Variants in KIF26B observed in about 807,000 individuals in gnomAD.
KIF26B encodes the protein kinesin family member 26B.
In KIF26B, 63 loss-of-function variants were observed where a neutral mutation model predicts 151.2. The observed-to-expected ratio is 0.42, with a 90% CI of 0.34 to 0.51. KIF26B has a LOEUF of 0.51. Ranked by LOEUF, KIF26B falls within the 20% of genes least tolerant of loss-of-function variation. KIF26B has a pLI of 0.07. For synonymous variants in KIF26B, 1,357 were observed against 1,262.1 expected, an observed-to-expected ratio of 1.08 and a Z score of -1.59; for missense variants, 2,813 against 2,913.6, an observed-to-expected ratio of 0.97 and a Z score of 0.79.
intron 4 of KIF26B, among the ~76,000 whole-genome samples, chr1:245,478,897 T>C (rs1413828547): frequency 6.6e-6 from 1 of 151,744 alleles, no homozygotes; most frequent in African/African-American, 2.4e-5. Flanking sequence ...ATTTTGAAGA[T>C]AGCCAATAAA....
Position 245,688,425 on chromosome 1 carries a change from T to G in KIF26B, c.5442T>G (p.Gly1814=). The G allele has an allele frequency of 7.0e-7, 1 of 1,424,346 alleles. No homozygotes were observed. The highest frequency in any genetic ancestry group is 9.1e-7 in the Non-Finnish European group (1 of 1,095,344). 88.2% of individuals were successfully genotyped at this position (1,424,346 alleles called of 1,614,324 possible). Residue 1814 remains glycine (G), a synonymous_variant, in exon 12 of 15, where the codon GGT becomes GGG. Transcript: ENST00000407071. ...VSGRISELLQ[G]GAGARGLQLR... is the part of the protein sequence containing the mutation. ...GGCGCATCTCGGAGCTGCTGCAGGG[T>G]GGCGCGGGCGCCCGGGGCTTGCAGC...
At chr1:245,574,093 C>T (rs1003598084) in intron 5 of KIF26B, among the ~76,000 whole-genome samples, 2 of 152,178 alleles carry the variant, frequency 1.3e-5, no homozygotes, top group African/African-American at 4.8e-5. Context: ...TGAGGACTGA[C>T]ATGTTTTGGT....
chr1:245,685,953 C>T lies in KIF26B; in HGVS notation c.2970C>T (p.Asn990=). Residue 990 remains asparagine (N), a synonymous_variant, in exon 12 of 15, where the codon AAC becomes AAT. Transcript: ENST00000407071. The stretch of plus-strand genomic sequence containing the variant: ...ATGGGTCCGAAGGTCAGCTGACCAA[C>T]AGAGAAGGCCCTGAACTCCCAGCCT... The part of the protein sequence containing the change: ...EDNGSEGQLT[N]REGPELPASK... The T allele has an allele frequency of 6.2e-7, 1 of 1,607,864 alleles. No individual in the cohort carries two copies. The highest frequency in any genetic ancestry group is 8.5e-7 in the Non-Finnish European group (1 of 1,177,354).
rs1299859871 is a variant in KIF26B at position 245,166,736 on chromosome 1, CT to C, written c.465+10056del. 6.6e-6 allele frequency among the ~76,000 whole-genome samples: 1 copy of C among 152,154 alleles called. No homozygotes were observed. The highest frequency in any genetic ancestry group is 6.5e-5 in the Admixed American group (1 of 15,278). On this transcript the variant is annotated intron_variant, in intron 2 of 14. Coordinates refer to ENST00000407071, the MANE Select transcript of KIF26B (RefSeq NM_018012.4). The surrounding 1 kb of genome is among the most constrained non-coding windows in gnomAD (Gnocchi z 4.5). ...TCAGACGGTTTTCTTTGCAGTTGTA[CT>C]TTGCTGATCCTATCACATCGATTCC...
chr1:245,388,180 G>T (rs552796524), intron 3 of KIF26B, among the ~76,000 whole-genome samples: 9 of 152,128 alleles, frequency 5.9e-5, no homozygotes, highest in Admixed American at 5.2e-4. Flanking sequence ...ATTGGAGAAA[G>T]GACCATGATA....
intron 2 of KIF26B, among the ~76,000 whole-genome samples, chr1:245,323,561 C>T (rs549726629): frequency 1.3e-3 from 193 of 152,246 alleles, no homozygotes; most frequent in African/African-American, 4.5e-3. Context: ...TTCACTGAGC[C>T]ACAGATTTGT....
chr1:245,239,785 T>A lies in KIF26B; in HGVS notation c.465+83102T>A, dbSNP rs973095389. Among the ~76,000 whole-genome samples, 3 of 151,922 alleles carry A rather than the reference T, an allele frequency of 2.0e-5. No homozygotes were observed. Among genetic ancestry groups the A allele is most frequent in the African/African-American group, 7.3e-5 (3 of 41,362 alleles). Reference sequence around the variant, plus strand: ...TGCTGGGATTACAGGCATGAGCCATTGTGTCCTGACCAGTAAAATGATTTT... The same window carrying A: ...TGCTGGGATTACAGGCATGAGCCATAGTGTCCTGACCAGTAAAATGATTTT... On this transcript the variant is annotated intron_variant, in intron 2 of 14. Coordinates refer to ENST00000407071, the MANE Select transcript of KIF26B (RefSeq NM_018012.4). This position sits in a 1 kb window ranked among gnomAD's most constrained non-coding sequence, Gnocchi z 4.3.
intron 5 of KIF26B, among the ~76,000 whole-genome samples, chr1:245,553,803 G>A (rs1180059495): frequency 2.0e-5 from 3 of 152,142 alleles, no homozygotes; most frequent in East Asian, 1.9e-4. Flanking sequence ...GGAGGCACCC[G>A]GGTGATTCCA....
At chr1:245,571,338 G>C (rs543173255) in intron 5 of KIF26B, among the ~76,000 whole-genome samples, 16 of 152,310 alleles carry the variant, frequency 1.1e-4, no homozygotes, top group African/African-American at 3.6e-4. Flanking sequence ...AATCAACGCT[G>C]TTGATAGAAA....
At chr1:245,466,304 C>T (rs1659791264) in intron 4 of KIF26B, among the ~76,000 whole-genome samples, 1 of 152,204 alleles carries the variant, frequency 6.6e-6, no homozygotes, top group South Asian at 2.1e-4. Context: ...GCTCCCAGGT[C>T]AGATGTCCAG....
rs573239571 is a variant in KIF26B, at chr1:245,672,341, C to T, written c.2259-11892C>T. 1.6e-4 allele frequency among the ~76,000 whole-genome samples: 25 copies of T among 152,318 alleles called. No individual in the cohort carries two copies. The South Asian group carries it at 5.2e-3, about 32-fold the overall frequency. The stretch of plus-strand genomic sequence containing the variant: ...GAATCCTGTTTTAAGCTTCACGCTG[C>T]TGACTAAACAGAAAGGCCACGGCAC... On this transcript the variant is annotated intron_variant, in intron 10 of 14. Transcript: ENST00000407071.
At position 245,175,664 on chromosome 1, in the gene KIF26B, A is replaced by G. The variant is rs181272697; in HGVS notation, c.465+18981A>G. 1.2e-3 allele frequency among the ~76,000 whole-genome samples: 190 copies of G among 152,272 alleles called. 2 individuals are homozygous for G. In the South Asian group the frequency reaches 0.017, roughly 14 times the overall value. ...GTTTTGTGGCAAAGCGTAGAAAGTC[A>G]CTAAGTCCACACATGATTAAAAATA... On this transcript the variant is annotated intron_variant, in intron 2 of 14. Coordinates refer to ENST00000407071, the MANE Select transcript of KIF26B (RefSeq NM_018012.4).
intron 4 of KIF26B, among the ~76,000 whole-genome samples, chr1:245,452,489 G>C (rs532476510): frequency 6.6e-6 from 1 of 152,200 alleles, no homozygotes; most frequent in Admixed American, 6.5e-5. Context: ...TACAACACTT[G>C]TATGTTTAGC....
At chr1:245,200,989 C>T (rs1669291316) in intron 2 of KIF26B, among the ~76,000 whole-genome samples, 1 of 152,114 alleles carries the variant, frequency 6.6e-6, no homozygotes. Flanking sequence ...ATATTAAGCC[C>T]ACACCCTGTG....
chr1:245,558,768 T>G (rs1662098134), intron 5 of KIF26B, among the ~76,000 whole-genome samples: 1 of 152,218 alleles, frequency 6.6e-6, no homozygotes. Context: ...CTCATTTATT[T>G]GCAAAAGGCA....
At chr1:245,293,578 CTTT>C (rs138673467) in intron 2 of KIF26B, among the ~76,000 whole-genome samples, 19,144 of 139,356 alleles carry the variant, frequency 0.14, 1,698 homozygotes, top group African/African-American at 0.26. Context: ...TCTTTCTTTC[CTTT>C]TTTTTTTTTT....
At chr1:245,340,889 A>G (rs779714718) in intron 2 of KIF26B, among the ~76,000 whole-genome samples, 9 of 152,176 alleles carry the variant, frequency 5.9e-5, no homozygotes, top group Non-Finnish European at 5.9e-5. Context: ...GAACAGGGAA[A>G]TGCACTGCGG....
intron 2 of KIF26B, among the ~76,000 whole-genome samples, chr1:245,208,325 T>C (rs1269792973): frequency 6.6e-6 from 1 of 152,236 alleles, no homozygotes; most frequent in African/African-American, 2.4e-5. Context: ...GAGTTCATTG[T>C]GCTGTAATTT....
rs755521031 is a variant in KIF26B, at chr1:245,254,828, T to A, written c.465+98145T>A. Among the ~76,000 whole-genome samples the A allele has an allele frequency of 5.9e-5, 9 of 152,226 alleles. 1 individual carries two copies. The highest frequency in any genetic ancestry group is 1.2e-4 in the Non-Finnish European group (8 of 68,050). On this transcript the variant is annotated intron_variant, in intron 2 of 14. Transcript: ENST00000407071. The stretch of plus-strand genomic sequence containing the variant: ...TGTGTGGGCTTTTGCCATGCCTGTT[T>A]CAGGTTTGGAACTGTATACCTTTCA...
Sources: gnomAD v4.1 joint callset for allele counts (sites outside exome capture counted in the v4.1 genomes callset) on GRCh38, gnomAD v4.1.1 for gene constraint, Gnocchi (gnomAD v3.1) non-coding constraint, MANE v1.5 for transcripts, NCBI Gene and HGNC (gene_info 2026-07-23, HGNC 2026-07-21) for gene names.